The following KIFC1 variants were observed in gnomAD, a reference collection of about 807,000 sequenced individuals.
KIFC1 encodes the protein kinesin family member C1.
In KIFC1, 37 loss-of-function variants were observed where a neutral mutation model predicts 66.6. The ratio of observed to expected loss-of-function variants is 0.56; its 90% CI spans 0.43 to 0.73. KIFC1 has a LOEUF of 0.73. Among genes scored for constraint, KIFC1 ranks in the 30% least tolerant of loss-of-function variants. The pLI, the probability that KIFC1 is intolerant of heterozygous loss-of-function variation, is 0.00. For synonymous variants in KIFC1, 325 were observed against 343.5 expected (o/e 0.95, Z 0.60); for missense variants, 721 against 859.8 (o/e 0.84, Z 2.02).
chr6:33,406,204 C>T lies in KIFC1; in HGVS notation c.1545C>T (p.Ala515=), dbSNP rs979486873. The T allele has an allele frequency of 1.9e-6, 3 of 1,604,586 alleles. No individual in the cohort carries two copies. The highest frequency in any genetic ancestry group is 2.7e-5 in the African/African-American group (2 of 74,718). The change falls in exon 8 of 11, where the codon GCC becomes GCT. Residue 515 remains alanine, a synonymous_variant. Coordinates refer to ENST00000428849, the MANE Select transcript of KIFC1 (RefSeq NM_002263.4). This position sits in a 1 kb window ranked among gnomAD's most constrained non-coding sequence, Gnocchi z 4.5. The part of the protein sequence containing the change: ...VPVSCEKEVD[A]LLHLARQNRA... ...TCTGCTCCCATCCCCAGGTGGACGC[C>T]CTGCTTCATCTGGCCCGCCAGAATC...
chr6:33,393,894 C>T (rs1321597541), intron 1 of KIFC1, among the ~76,000 whole-genome samples: 1 of 151,918 alleles, frequency 6.6e-6, no homozygotes, highest in African/African-American at 2.4e-5. Flanking sequence ...CTACAGGCGC[C>T]TGCCACCACG....
intron 1 of KIFC1, among the ~76,000 whole-genome samples, chr6:33,394,724 C>G (rs1774951680): frequency 6.6e-6 from 1 of 152,210 alleles, no homozygotes; most frequent in Middle Eastern, 3.2e-3. Context: ...TCAAGTGATC[C>G]GCCCGCCTCG....
chr6:33,403,730 A>G lies in KIFC1; in HGVS notation c.357A>G (p.Thr119=), dbSNP rs1239019003. 1 of 1,611,340 alleles carries G rather than the reference A, an allele frequency of 6.2e-7. No individual in the cohort carries two copies. The highest frequency in any genetic ancestry group is 1.7e-5 in the Admixed American group (1 of 59,820). ...TTGTCCTTTCTGTGTTCATCTTAGC[A>G]TCAGGTGTTCCTCCCATGGCAGGAG... ...VPAVPVQKSG[T]SGVPPMAGGK... is the part of the protein sequence containing the mutation. Residue 119 remains threonine (T), a splice_region_variant and synonymous_variant, in exon 6 of 11, where the codon ACA becomes ACG. Coordinates refer to ENST00000428849, the MANE Select transcript of KIFC1 (RefSeq NM_002263.4). This position sits in a 1 kb window ranked among gnomAD's most constrained non-coding sequence, Gnocchi z 4.6.
Position 33,405,534 on chromosome 6 carries a change from G to T in KIFC1, c.1439G>T (p.Gly480Val), listed in dbSNP as rs1775603551. The change falls in exon 7 of 11, where the codon GGT becomes GTT. Residue 480 changes from glycine (G) to valine (V), a missense_variant. Gly to Val is a moderately radical substitution (Grantham distance 109, BLOSUM62 -3). Transcript: ENST00000428849. The surrounding 1 kb of genome is among the most constrained non-coding windows in gnomAD (Gnocchi z 5.4). ...CTGCTGGCCACTGGAACCCGGAAGGGTCAAGGGGGCGAGTGTGAGATTCGC... is the reference window on the plus strand; with the variant it reads ...CTGCTGGCCACTGGAACCCGGAAGGTTCAAGGGGGCGAGTGTGAGATTCGC... ...RDLLATGTRK[G>V]QGGECEIRRA... 2 of 1,610,188 alleles carry T rather than the reference G, an allele frequency of 1.2e-6. No individual in the cohort carries two copies. Among genetic ancestry groups the T allele is most frequent in the Non-Finnish European group, 1.7e-6 (2 of 1,178,336 alleles).
Position 33,400,419 on chromosome 6 carries a change from A to G in KIFC1, c.250+2032A>G, listed in dbSNP as rs559367390. 6.2e-7 allele frequency: 1 copy of G among 1,602,646 alleles called. No homozygotes were observed. Among genetic ancestry groups the G allele is most frequent in the South Asian group, 1.1e-5 (1 of 90,860 alleles). On this transcript the variant is annotated intron_variant, in intron 3 of 10. Coordinates refer to ENST00000428849, the MANE Select transcript of KIFC1 (RefSeq NM_002263.4). This position sits in a 1 kb window ranked among gnomAD's most constrained non-coding sequence, Gnocchi z 4.3. ...CCTTCCAGTCACCCGTTGCCTTGGC[A>G]ATGTCATCACCAACCTTTTTTGGAG...
Position 33,398,321 on chromosome 6 carries a change from A to G in KIFC1, c.184A>G (p.Ile62Val). 1 of 1,614,084 alleles carries G rather than the reference A, an allele frequency of 6.2e-7. No homozygotes were observed. The highest frequency in any genetic ancestry group is 8.5e-7 in the Non-Finnish European group (1 of 1,180,022). ...RTRGLGATTK[I>V]TTSHPRVPSL... ...AAGAGGCCTGGGTGCAACGACCAAA[A>G]TTACCACATCCCACCCAAGAGTTCC... The change falls in exon 3 of 11, where the codon ATT (isoleucine) becomes GTT (valine). Residue 62 changes from isoleucine to valine, a missense_variant. Physicochemically the swap from Ile to Val is conservative, Grantham distance 29. Coordinates refer to ENST00000428849, the MANE Select transcript of KIFC1 (RefSeq NM_002263.4).
chr6:33,403,729 C>T lies in KIFC1; in HGVS notation c.356C>T (p.Thr119Ile), dbSNP rs752144571. 9 of 1,610,562 alleles carry T rather than the reference C, an allele frequency of 5.6e-6. No homozygotes were observed. The highest frequency in any genetic ancestry group is 4.2e-6 in the Non-Finnish European group (5 of 1,178,036). Reference sequence around the variant, plus strand: ...TTTGTCCTTTCTGTGTTCATCTTAGCATCAGGTGTTCCTCCCATGGCAGGA... The same window carrying T: ...TTTGTCCTTTCTGTGTTCATCTTAGTATCAGGTGTTCCTCCCATGGCAGGA... Reference protein sequence around the residue: ...VPAVPVQKSGTSGVPPMAGGK... With the variant: ...VPAVPVQKSGISGVPPMAGGK... The change falls in exon 6 of 11, where the codon ACA becomes ATA. Residue 119 changes from threonine to isoleucine, a missense_variant and splice_region_variant. Transcript: ENST00000428849. The surrounding 1 kb of genome is among the most constrained non-coding windows in gnomAD (Gnocchi z 4.6).
intron 3 of KIFC1, chr6:33,399,944 A>G (rs1775291892): frequency 1.7e-6 from 1 of 572,594 alleles, no homozygotes; most frequent in African/African-American, 1.9e-5. Flanking sequence ...TACTTTATAA[A>G]CTTAACATTT....
chr6:33,391,788 C>T, upstream of KIFC1: 3 of 682,666 alleles, frequency 4.4e-6, no homozygotes, highest in Non-Finnish European at 7.8e-6. Context: ...TTGGTCCCTG[C>T]GTGCAGAGCG....
At chr6:33,397,598 G>A (rs1775122671) in intron 1 of KIFC1, among the ~76,000 whole-genome samples, 1 of 152,158 alleles carries the variant, frequency 6.6e-6, no homozygotes, top group Non-Finnish European at 1.5e-5. Context: ...ACCCGGTCCA[G>A]GTGAAACATT....
At chr6:33,396,436 CTTT>C (rs199749552) in intron 1 of KIFC1, among the ~76,000 whole-genome samples, 12 of 116,242 alleles carry the variant, frequency 1.0e-4, no homozygotes, top group Admixed American at 3.7e-4. Context: ...CTTTTCTTTT[CTTT>C]TTTTTTTTTT....
chr6:33,409,757 C>CGTGTG lies in KIFC1; in HGVS notation c.*67_*68insGTGTG, dbSNP rs1775854615. 8.5e-6 allele frequency: 9 copies of CGTGTG among 1,063,564 alleles called. No individual in the cohort carries two copies. In the African/African-American group the frequency reaches 1.0e-4, roughly 12 times the overall value. 65.9% of individuals were successfully genotyped at this position (1,063,564 alleles called of 1,614,324 possible). On this transcript the variant is annotated 3_prime_UTR_variant, in exon 11 of 11. Coordinates refer to ENST00000428849, the MANE Select transcript of KIFC1 (RefSeq NM_002263.4). ...TGTGTGTGTGTGTGTGTGTGTGTCC[C>CGTGTG]TATGTCTATGTATCGGGTGAGGGGT...
At chr6:33,391,576 C>CGGG (rs1774781870), upstream of KIFC1, 1 of 259,270 alleles carries the variant, frequency 3.9e-6, no homozygotes, top group African/African-American at 2.3e-5. Context: ...CGAGCGACGG[C>CGGG]GGGGAGCCGA....
In KIFC1 at chr6:33,405,275, C is replaced by T. The variant is rs1279578665; in HGVS notation, c.1180C>T (p.Leu394Phe). 4.3e-6 allele frequency: 7 copies of T among 1,614,086 alleles called. No homozygotes were observed. In the South Asian group the frequency reaches 5.5e-5, roughly 13 times the overall value. The stretch of plus-strand genomic sequence containing the variant: ...TGAAGTGTTTGAAGAGATTGCCATG[C>T]TTGTCCAGTCAGCCCTGGATGGCTA... ...QDEVFEEIAM[L>F]VQSALDGYPV... is the part of the protein sequence containing the mutation. Residue 394 changes from leucine to phenylalanine, a missense_variant, in exon 7 of 11, where the codon CTT becomes TTT. By Grantham distance (22) the Leu-to-Phe change is conservative. Coordinates refer to ENST00000428849, the MANE Select transcript of KIFC1 (RefSeq NM_002263.4). The surrounding 1 kb of genome is among the most constrained non-coding windows in gnomAD (Gnocchi z 5.4).
Position 33,409,743 on chromosome 6 carries a change from GTGTGTGTGTGTCCCTATGTCTA to G in KIFC1, c.*57_*78del. 5.6e-6 allele frequency: 7 copies of G among 1,251,726 alleles called. No individual in the cohort carries two copies. Among genetic ancestry groups the G allele is most frequent in the Non-Finnish European group, 7.9e-6 (7 of 880,542 alleles). 77.5% of individuals were successfully genotyped at this position (1,251,726 alleles called of 1,614,324 possible). A position where few individuals can be genotyped will look rare whatever the true frequency, so the allele number is the denominator to read the frequency against. On this transcript the variant is annotated 3_prime_UTR_variant, in exon 11 of 11. Coordinates refer to ENST00000428849, the MANE Select transcript of KIFC1 (RefSeq NM_002263.4). ...TGTGTGTGTGTGTGTGTGTGTGTGTGTGTGTGTGTGTCCCTATGTCTATGTATCGGGTGAGGGGTGGGAGGGT... is the reference window on the plus strand; with the variant it reads ...TGTGTGTGTGTGTGTGTGTGTGTGTGTGTATCGGGTGAGGGGTGGGAGGGT...
chr6:33,404,271 C>T lies in KIFC1; in HGVS notation c.756+142C>T. 1.3e-6 allele frequency: 1 copy of T among 745,266 alleles called. No homozygotes were observed. The highest frequency in any genetic ancestry group is 1.9e-5 in the South Asian group (1 of 53,060). The allele number at this position is 745,266 out of a possible 1,614,324, so 46.2% of individuals were successfully genotyped here. ...GCAGTATAGGTGCTGCTGAAGATAC[C>T]TCTCTCTTGACCTGTCTGCACCCCA... On this transcript the variant is annotated intron_variant, in intron 6 of 10. Coordinates refer to ENST00000428849, the MANE Select transcript of KIFC1 (RefSeq NM_002263.4). The surrounding 1 kb of genome is among the most constrained non-coding windows in gnomAD (Gnocchi z 4.0).
chr6:33,408,923 A>G (rs1357014457), intron 10 of KIFC1, among the ~76,000 whole-genome samples: 1 of 151,438 alleles, frequency 6.6e-6, no homozygotes, highest in African/African-American at 2.4e-5. Flanking sequence ...CTGTAACCCC[A>G]GCACTTTGGG....
chr6:33,400,031 T>G lies in KIFC1; in HGVS notation c.250+1644T>G, dbSNP rs1483371536. The stretch of plus-strand genomic sequence containing the variant: ...TTTTTTTCGACCAGTTGTCAAATGA[T>G]CCTTTATTGAAATATTTTCCTTTGT... On this transcript the variant is annotated intron_variant, in intron 3 of 10. Coordinates refer to ENST00000428849, the MANE Select transcript of KIFC1 (RefSeq NM_002263.4). This position sits in a 1 kb window ranked among gnomAD's most constrained non-coding sequence, Gnocchi z 4.3. 1 of 670,116 alleles carries G rather than the reference T, an allele frequency of 1.5e-6. No individual in the cohort carries two copies. The highest frequency in any genetic ancestry group is 2.7e-6 in the Non-Finnish European group (1 of 373,132). The allele number at this position is 670,116 out of a possible 1,614,324, so 41.5% of individuals were successfully genotyped here. A position where few individuals can be genotyped will look rare whatever the true frequency, so the allele number is the denominator to read the frequency against.
intron 10 of KIFC1, among the ~76,000 whole-genome samples, chr6:33,409,120 C>T (rs1462844878): frequency 5.3e-5 from 8 of 152,208 alleles, no homozygotes; most frequent in East Asian, 1.9e-4. Flanking sequence ...GAGCCGAGAT[C>T]GCGCCACTGC....
Sources: allele counts gnomAD v4.1 joint callset (sites outside exome capture counted in the v4.1 genomes callset), GRCh38; gene constraint gnomAD v4.1.1; non-coding constraint Gnocchi (gnomAD v3.1); transcripts MANE v1.5; gene names NCBI Gene and HGNC (gene_info 2026-07-23, HGNC 2026-07-21).